Variants in SLC52A3 observed in about 807,000 individuals in gnomAD.
SLC52A3 encodes solute carrier family 52, riboflavin transporter, member 3.
A neutral mutation model predicts 29.5 loss-of-function variants in SLC52A3; 20 were observed. The ratio of observed to expected loss-of-function variants is 0.68; its 90% confidence interval spans 0.48 to 0.99. The LOEUF is 0.99. Among genes scored for constraint, SLC52A3 ranks in the 50% least tolerant of loss-of-function variants. The pLI is 0.00. For synonymous variants in SLC52A3, 301 were observed against 271.0 expected, an observed-to-expected ratio of 1.11 and a Z score of -1.09; for missense variants, 548 against 612.9, an observed-to-expected ratio of 0.89 and a Z score of 1.12.
At chr20:766,885 G>A (rs1032979699) in intron 1 of SLC52A3, among the ~76,000 whole-genome samples, 7 of 152,104 alleles carry the variant, frequency 4.6e-5, no homozygotes, top group Non-Finnish European at 7.4e-5. Context: ...AGAGAAAAAG[G>A]TACAAATAAG....
chr20:779,798 A>G (rs1308125408), upstream of SLC52A3, among the ~76,000 whole-genome samples: 2 of 152,222 alleles, frequency 1.3e-5, no homozygotes, highest in African/African-American at 4.8e-5. Flanking sequence ...CTCTACATCT[A>G]GTACATAATT....
intron 1 of SLC52A3, chr20:775,874 C>T (rs1347619460): frequency 6.6e-6 from 1 of 152,408 alleles, no homozygotes. Context: ...GGTCAGTGTC[C>T]CATGCTCCTA....
chr20:779,981 C>T (rs971731449), upstream of SLC52A3, among the ~76,000 whole-genome samples: 3 of 152,144 alleles, frequency 2.0e-5, no homozygotes, highest in Non-Finnish European at 4.4e-5. Context: ...CTAGGGTTCC[C>T]GGCCTCTCAG....
rs6054605 is a variant in SLC52A3 at position 763,926 on chromosome 20, G to A, written c.645C>T (p.Pro215=). Reference sequence around the variant, plus strand: ...AGAAGACCAGGGGTGAGAAGTGGGCGGGAAGGTAGCGGCTCTCCAGGTGGG... The same window carrying A: ...AGAAGACCAGGGGTGAGAAGTGGGCAGGAAGGTAGCGGCTCTCCAGGTGGG... ...PLSHLESRYL[P]AHFSPLVFFL... The change falls in exon 3 of 5, where the codon CCC becomes CCT. Residue 215 remains proline (P), a synonymous_variant. Transcript: ENST00000645534. The A allele has an allele frequency of 0.064, 103,311 of 1,613,664 alleles. 6,511 individuals are homozygous for A. Among genetic ancestry groups the A allele is most frequent in the East Asian group, 0.4 (17,843 of 44,814 alleles).
upstream of SLC52A3, among the ~76,000 whole-genome samples, chr20:772,572 A>G (rs1263838967): frequency 7.2e-6 from 1 of 138,880 alleles, no homozygotes; most frequent in Non-Finnish European, 1.6e-5. Flanking sequence ...TAAAAGATGC[A>G]TATCTGTATT....
chr20:768,086 T>C (rs1986742762), intron 1 of SLC52A3, among the ~76,000 whole-genome samples: 1 of 152,084 alleles, frequency 6.6e-6, no homozygotes, highest in Admixed American at 6.6e-5. Context: ...AACTCCGTGG[T>C]TTGTTGTGAG....
chr20:778,783 G>A (rs1009177707), upstream of SLC52A3, among the ~76,000 whole-genome samples: 1 of 149,528 alleles, frequency 6.7e-6, no homozygotes, highest in Admixed American at 6.7e-5. Flanking sequence ...CTGGAGTGCA[G>A]CGGCCAGGCT....
chr20:763,370 G>A, intron 3 of SLC52A3, 128 bp downstream of exon 3: 1 of 1,252,720 alleles, frequency 8.0e-7, no homozygotes, highest in East Asian at 2.5e-5. Context: ...GCTGGGATTT[G>A]GACCAGGGTG....
At chr20:766,299 G>A (rs553416900) in intron 1 of SLC52A3, 1 of 155,332 alleles carries the variant, frequency 6.4e-6, no homozygotes, top group African/African-American at 2.4e-5. Flanking sequence ...TGAAAGAAAA[G>A]TTCAATCCGA....
chr20:778,305 A>G (rs531003978), upstream of SLC52A3, among the ~76,000 whole-genome samples: 4 of 151,522 alleles, frequency 2.6e-5, no homozygotes, highest in Non-Finnish European at 5.9e-5. Flanking sequence ...TTGAGCCACT[A>G]CACTGGCCAC....
At position 765,932 on chromosome 20, in the gene SLC52A3, G is replaced by T; in HGVS notation, c.-51-107C>A. 4.4e-6 allele frequency: 3 copies of T among 683,454 alleles called. No homozygotes were observed. The highest frequency in any genetic ancestry group is 2.5e-6 in the Non-Finnish European group (1 of 404,634). The allele number at this position is 683,454 out of a possible 1,614,324, so 42.3% of individuals were successfully genotyped here. A position where few individuals can be genotyped will look rare whatever the true frequency, so the allele number is the denominator to read the frequency against. On this transcript the variant is annotated intron_variant, in intron 1 of 4. Transcript: ENST00000645534. This position sits in a 1 kb window ranked among gnomAD's most constrained non-coding sequence, Gnocchi z 6.6. ...TTATTACTCCCCTTCCTGTGAACAA[G>T]CTGGCTTTTTTTTTTTTCCTTTGAG...
chr20:763,852 A>G lies in SLC52A3; in HGVS notation c.719T>C (p.Val240Ala). 2 of 1,614,150 alleles carry G rather than the reference A, an allele frequency of 1.2e-6. No homozygotes were observed. Among genetic ancestry groups the G allele is most frequent in the Middle Eastern group, 1.7e-4 (1 of 6,060 alleles). Reference protein sequence around the residue: ...MMACCLVAFFVLQRQPRCWEA... With the variant: ...MMACCLVAFFALQRQPRCWEA... ...CCAGCACCTGGGTTGACGCTGGAGG[A>G]CAAAGAACGCCACGAGGCAGCAGGC... The change falls in exon 3 of 5, where the codon GTC (valine) becomes GCC (alanine). Residue 240 changes from valine (V) to alanine (A), a missense_variant. By Grantham distance (64) the Val-to-Ala change is moderately conservative. Around this residue, in one of 2 missense-constraint regions of SLC52A3, gnomAD observed 375 missense variants for 471.1 expected, o/e 0.80. Coordinates refer to ENST00000645534, the MANE Select transcript of SLC52A3 (RefSeq NM_033409.4).
upstream of SLC52A3, among the ~76,000 whole-genome samples, chr20:771,458 C>T (rs969014583): frequency 2.6e-5 from 4 of 152,026 alleles, no homozygotes; most frequent in Non-Finnish European, 5.9e-5. Flanking sequence ...CAGACAAAAA[C>T]TACTCCATAC....
At position 761,018 on chromosome 20, in the gene SLC52A3, C is replaced by A; in HGVS notation, c.*8G>T. The A allele has an allele frequency of 6.3e-7, 1 of 1,594,602 alleles. No individual in the cohort carries two copies. The highest frequency in any genetic ancestry group is 8.5e-7 in the Non-Finnish European group (1 of 1,172,150). ...CCGTGAGCGATGGGGGCGGGGTCGG[C>A]GGCCTGCCTAGGCTGGACAGTGCAG... On this transcript the variant is annotated 3_prime_UTR_variant, in exon 5 of 5. Coordinates refer to ENST00000645534, the MANE Select transcript of SLC52A3 (RefSeq NM_033409.4).
chr20:763,783 T>G lies in SLC52A3; in HGVS notation c.788A>C (p.His263Pro). Residue 263 changes from histidine to proline, a missense_variant, in exon 3 of 5, where the codon CAC becomes CCC. Physicochemically the swap from His to Pro is moderately conservative, Grantham distance 77. Around this residue, in one of 2 missense-constraint regions of SLC52A3, gnomAD observed 375 missense variants for 471.1 expected, o/e 0.80. Transcript: ENST00000645534. ...ATTCTCTTCCCGCGGCCGGATGGAG[T>G]GGAGGGTGACCTGGTCATTGAGGAG... is the stretch of plus-strand genomic sequence containing the variant. ...EDLLNDQVTLHSIRPREENDL... is the reference protein window; with the variant it reads ...EDLLNDQVTLPSIRPREENDL... The G allele has an allele frequency of 1.9e-6, 3 of 1,613,604 alleles. No individual in the cohort carries two copies. The highest frequency in any genetic ancestry group is 2.5e-6 in the Non-Finnish European group (3 of 1,179,874).
At chr20:776,469 T>C (rs1987032820), upstream of SLC52A3, among the ~76,000 whole-genome samples, 1 of 152,236 alleles carries the variant, frequency 6.6e-6, no homozygotes, top group African/African-American at 2.4e-5. Flanking sequence ...TTAATCTTCA[T>C]GGCCTTTTGG....
In SLC52A3 at chr20:760,796, A is replaced by G; in HGVS notation, c.*230T>C. ...CAAATCAGTCCTCTCTTGAGAGTCA[A>G]AGCAAAGGAGATCTGAGCTGGTCGT... is the stretch of plus-strand genomic sequence containing the variant. On this transcript the variant is annotated 3_prime_UTR_variant, in exon 5 of 5. Coordinates refer to ENST00000645534, the MANE Select transcript of SLC52A3 (RefSeq NM_033409.4). This position sits in a 1 kb window ranked among gnomAD's most constrained non-coding sequence, Gnocchi z 4.9. 1.7e-6 allele frequency: 1 copy of G among 586,458 alleles called. No individual in the cohort carries two copies. The highest frequency in any genetic ancestry group is 3.0e-6 in the Non-Finnish European group (1 of 329,720). 36.3% of individuals were successfully genotyped at this position (586,458 alleles called of 1,614,324 possible).
upstream of SLC52A3, among the ~76,000 whole-genome samples, chr20:770,317 C>T (rs1028387992): frequency 5.9e-5 from 9 of 152,100 alleles, no homozygotes; most frequent in South Asian, 8.3e-4. This position sits in a 1 kb window ranked among gnomAD's most constrained non-coding sequence, Gnocchi z 4.5. Context: ...CCACAATGTC[C>T]GGCTAATTTT....
rs377559449 is a variant in SLC52A3, at chr20:763,757, C to T, written c.814G>A (p.Asp272Asn). Residue 272 changes from aspartate (D) to asparagine (N), a missense_variant, in exon 3 of 5, where the codon GAC becomes AAC. By Grantham distance (23) the Asp-to-Asn change is conservative. Transcript: ENST00000645534. ...LHSIRPREEN[D>N]LGPAGTVDSS... ...TCCACCGTGCCTGCAGGGCCCAAGTCATTCTCTTCCCGCGGCCGGATGGAG... is the reference window on the plus strand; with the variant it reads ...TCCACCGTGCCTGCAGGGCCCAAGTTATTCTCTTCCCGCGGCCGGATGGAG... 12 of 1,614,046 alleles carry T rather than the reference C, an allele frequency of 7.4e-6. No individual in the cohort carries two copies. The highest frequency in any genetic ancestry group is 1.0e-5 in the Non-Finnish European group (12 of 1,180,028).
Sources: gnomAD v4.1 joint callset for allele counts (sites outside exome capture counted in the v4.1 genomes callset) on GRCh38, gnomAD v4.1.1 for gene constraint, gnomAD v4.1.1 regional missense constraint, Gnocchi (gnomAD v3.1) non-coding constraint, MANE v1.5 for transcripts, NCBI Gene and HGNC (gene_info 2026-07-23, HGNC 2026-07-21) for gene names.